The following GATA2 variants were observed in gnomAD, a reference collection of about 807,000 sequenced individuals.
GATA2 encodes the protein endothelial transcription factor GATA-2.
In GATA2, 6 loss-of-function variants were observed where a neutral mutation model predicts 35.7. That is an observed-to-expected ratio of 0.17 (90% CI 0.09 to 0.33). The LOEUF is 0.33. Among genes scored for constraint, GATA2 ranks in the 10% least tolerant of loss-of-function variants. GATA2 has a pLI of 1.00. For missense variants in GATA2, 541 were observed against 656.6 expected (o/e 0.82, Z 1.92); for synonymous variants, 313 against 274.9 (o/e 1.14, Z -1.37).
chr3:128,486,508 A>T, intron 2 of GATA2, 140 bp from the exon 3 acceptor site: 1 of 1,060,168 alleles, frequency 9.4e-7, no homozygotes, highest in Non-Finnish European at 1.4e-6. Flanking sequence ...GAAACATAAT[A>T]CCCCACCGGT....
In GATA2 at chr3:128,486,169, C is replaced by A; in HGVS notation, c.429G>T (p.Gly143=). ...GPGGPLSVYP[G]AGGGSGGGSG... ...TGCCTCCCCCGCTCCCACCCCCAGC[C>A]CCTGGGTACACAGAGAGTGGGCCTC... Residue 143 remains glycine, a synonymous_variant, in exon 3 of 6, where the codon GGG becomes GGT. Transcript: ENST00000341105. 6.4e-7 allele frequency: 1 copy of A among 1,568,682 alleles called. No individual in the cohort carries two copies. Among genetic ancestry groups the A allele is most frequent in the Non-Finnish European group, 8.6e-7 (1 of 1,157,110 alleles).
At chr3:128,483,661 C>T (rs1260984518) in intron 4 of GATA2, among the ~76,000 whole-genome samples, 199 bp downstream of exon 4, 2 of 152,154 alleles carry the variant, frequency 1.3e-5, no homozygotes, top group Non-Finnish European at 2.9e-5. Context: ...GGTGGGCTCC[C>T]TATACCCGAG....
chr3:128,483,229 A>G (rs977849738), intron 4 of GATA2, among the ~76,000 whole-genome samples: 1 of 152,264 alleles, frequency 6.6e-6, no homozygotes, highest in African/African-American at 2.4e-5. Flanking sequence ...TAGAAATTTC[A>G]AAACAGCCCA....
chr3:128,481,994 A>AC, intron 4 of GATA2, 50 bp from the exon 5 acceptor site: 6 of 1,601,282 alleles, frequency 3.7e-6, no homozygotes, highest in Non-Finnish European at 5.1e-6. Flanking sequence ...GCCCACCTCG[A>AC]CCCCCCTCCC....
chr3:128,482,990 G>A (rs1248997933), intron 4 of GATA2, among the ~76,000 whole-genome samples: 3 of 152,204 alleles, frequency 2.0e-5, no homozygotes, highest in East Asian at 1.9e-4. Context: ...GACTGCAGCC[G>A]CGGGGGCAGG....
intron 1 of GATA2, 129 bp from the exon 2 acceptor site, chr3:128,487,205 G>A: frequency 1.6e-6 from 1 of 607,244 alleles, no homozygotes; most frequent in Admixed American, 3.1e-5. Flanking sequence ...GTCCCGGGTG[G>A]GAGGAAAGCC....
chr3:128,491,566 G>C (rs1355282328), intron 1 of GATA2, among the ~76,000 whole-genome samples: 1 of 152,140 alleles, frequency 6.6e-6, no homozygotes, highest in African/African-American at 2.4e-5. Flanking sequence ...GGGTTCCCAA[G>C]GGGGGGACTA....
chr3:128,486,762 C>T (rs376441137), intron 2 of GATA2, 41 bp downstream of exon 2: 17 of 1,547,106 alleles, frequency 1.1e-5, no homozygotes, highest in Admixed American at 5.8e-5. Context: ...TCGCCTGGCG[C>T]GCGGCGCCTG....
intron 2 of GATA2, 107 bp downstream of exon 2, chr3:128,486,696 C>A: frequency 1.7e-6 from 2 of 1,174,568 alleles, no homozygotes; most frequent in Non-Finnish European, 1.2e-6. Flanking sequence ...TTCAGCAGCT[C>A]GATTCCTGCG....
Position 128,486,993 on chromosome 3 carries a change from G to A in GATA2, c.39C>T (p.His13=). Residue 13 remains histidine (H), a synonymous_variant, in exon 2 of 6, where the codon CAC becomes CAT. Transcript: ENST00000341105. ...GGTGCTGCGCATTCAGCACGGCCGG[G>A]TGCGCCATCCAGCGCGGCTGCTCGG... ...VAPEQPRWMA[H]PAVLNAQHPD... The A allele has an allele frequency of 6.2e-7, 1 of 1,606,436 alleles. No homozygotes were observed. The highest frequency in any genetic ancestry group is 1.1e-5 in the South Asian group (1 of 90,028).
In GATA2 at chr3:128,479,518, G is replaced by T; in HGVS notation, c.*1501C>A. The T allele has an allele frequency of 4.3e-6, 1 of 233,288 alleles. No individual in the cohort carries two copies. The highest frequency in any genetic ancestry group is 8.5e-6 in the Non-Finnish European group (1 of 117,810). 14.5% of individuals were successfully genotyped at this position (233,288 alleles called of 1,614,324 possible). A position where few individuals can be genotyped will look rare whatever the true frequency, so the allele number is the denominator to read the frequency against. On this transcript the variant is annotated 3_prime_UTR_variant, in exon 6 of 6. Transcript: ENST00000341105. ...TTTTTACAGACAATATATAAATGTT[G>T]TACATAATTAACAATAACTTAGTTC...
chr3:128,484,061 G>A (rs1309567457), intron 3 of GATA2, 56 bp from the exon 4 acceptor site: 2 of 1,593,584 alleles, frequency 1.3e-6, no homozygotes, highest in East Asian at 4.5e-5. Flanking sequence ...GTTCTCGGGA[G>A]GGAGTCCAGG....
In GATA2 at chr3:128,486,348, T is replaced by C; in HGVS notation, c.250A>G (p.Met84Val). Reference protein sequence around the residue: ...PAHARLTGGQMCRPHLLHSPG... With the variant: ...PAHARLTGGQVCRPHLLHSPG... ...CTGTGCAACAAGTGTGGGCGGCACA[T>C]CTGGCCTCCGGTCAGGCGGGCTGCG... Residue 84 changes from methionine (M) to valine (V), a missense_variant, in exon 3 of 6, where the codon ATG becomes GTG. Physicochemically the swap from Met to Val is conservative, Grantham distance 21 (BLOSUM62 1). This residue lies in a region of GATA2 where 389 missense variants were observed against 396.9 expected (regional missense o/e 0.98). Transcript: ENST00000341105. The C allele has an allele frequency of 6.2e-7, 1 of 1,602,318 alleles. No individual in the cohort carries two copies. The highest frequency in any genetic ancestry group is 8.5e-7 in the Non-Finnish European group (1 of 1,177,834).
rs1363526333 is a variant in GATA2 at position 128,488,161 on chromosome 3, C to T, written c.-45-1085G>A. Among the ~76,000 whole-genome samples the T allele has an allele frequency of 3.3e-5, 5 of 152,120 alleles. No individual in the cohort carries two copies. Among genetic ancestry groups the T allele is most frequent in the Non-Finnish European group, 7.4e-5 (5 of 68,006 alleles). On this transcript the variant is annotated intron_variant, in intron 1 of 5. Transcript: ENST00000341105. This position sits in a 1 kb window ranked among gnomAD's most constrained non-coding sequence, Gnocchi z 5.8. ...AAGGGACCCTCACCCCAAGGCCCGA[C>T]CCCTGCAGCCCCTCTTGCGAACACT...
In GATA2 at chr3:128,489,000, GGGCCCGA is replaced by G. The variant is rs2068741418; in HGVS notation, c.-45-1931_-45-1925del. Reference sequence around the variant, plus strand: ...GCGTCCTCCAGCCCTCTTCCCTGTTGGGCCCGAGGCTCCCGGGGTAGATGTCCAGAGG... The same window carrying G: ...GCGTCCTCCAGCCCTCTTCCCTGTTGGGCTCCCGGGGTAGATGTCCAGAGG... On this transcript the variant is annotated intron_variant, in intron 1 of 5. Coordinates refer to ENST00000341105, the MANE Select transcript of GATA2 (RefSeq NM_032638.5). This position sits in a 1 kb window ranked among gnomAD's most constrained non-coding sequence, Gnocchi z 5.8. Among the ~76,000 whole-genome samples, 1 of 152,074 alleles carries G rather than the reference GGGCCCGA, an allele frequency of 6.6e-6. No individual in the cohort carries two copies. The highest frequency in any genetic ancestry group is 1.5e-5 in the Non-Finnish European group (1 of 68,004).
chr3:128,486,377 A>G lies in GATA2; in HGVS notation c.230-9T>C. ...GCCTCCGGTCAGGCGGGCTGCGGGCAAAGAGAGAGAGGATCAGGGTGGGCA... is the reference window on the plus strand; with the variant it reads ...GCCTCCGGTCAGGCGGGCTGCGGGCGAAGAGAGAGAGGATCAGGGTGGGCA... On this transcript the variant is annotated splice_polypyrimidine_tract_variant and intron_variant, in intron 2 of 5. Coordinates refer to ENST00000341105, the MANE Select transcript of GATA2 (RefSeq NM_032638.5). 1 of 1,595,454 alleles carries G rather than the reference A, an allele frequency of 6.3e-7. No individual in the cohort carries two copies. Among genetic ancestry groups the G allele is most frequent in the Non-Finnish European group, 8.5e-7 (1 of 1,176,354 alleles).
intron 2 of GATA2, 45 bp from the exon 3 acceptor site, chr3:128,486,413 G>C: frequency 6.3e-7 from 1 of 1,576,438 alleles, no homozygotes; most frequent in Non-Finnish European, 8.5e-7. Flanking sequence ...GAAAGATCAG[G>C]GTAGGCAGAG....
Position 128,485,819 on chromosome 3 carries a change from T to C in GATA2, c.779A>G (p.Tyr260Cys), listed in dbSNP as rs1576748453. Residue 260 changes from tyrosine (Y) to cysteine (C), a missense_variant, in exon 3 of 6, where the codon TAC becomes TGC. Tyr to Cys is a radical substitution (Grantham distance 194). Coordinates refer to ENST00000341105, the MANE Select transcript of GATA2 (RefSeq NM_032638.5). The stretch of plus-strand genomic sequence containing the variant: ...TCCGGGGTGGAAGAGTCCGCTGCTG[T>C]AGTCGTGGGCAGCCGCCGGCACATA... ...PSYVPAAAHD[Y>C]SSGLFHPGGF... 2 of 1,613,818 alleles carry C rather than the reference T, an allele frequency of 1.2e-6. No homozygotes were observed. The highest frequency in any genetic ancestry group is 2.2e-5 in the East Asian group (1 of 44,868).
At position 128,480,618 on chromosome 3, in the gene GATA2, C is replaced by T. The variant is rs2068613438; in HGVS notation, c.*401G>A. 1 of 275,666 alleles carries T rather than the reference C, an allele frequency of 3.6e-6. No individual in the cohort carries two copies. The highest frequency in any genetic ancestry group is 6.8e-6 in the Non-Finnish European group (1 of 146,284). The allele number at this position is 275,666 out of a possible 1,614,324, so 17.1% of individuals were successfully genotyped here. A position where few individuals can be genotyped will look rare whatever the true frequency, so the allele number is the denominator to read the frequency against. ...TGGACCCGCCAATCCCGAGGAAGAA[C>T]CGGAGGACTTGGGACAGCTCAGACC... On this transcript the variant is annotated 3_prime_UTR_variant, in exon 6 of 6. Coordinates refer to ENST00000341105, the MANE Select transcript of GATA2 (RefSeq NM_032638.5).
Sources: gnomAD v4.1 joint callset for allele counts (sites outside exome capture counted in the v4.1 genomes callset) on GRCh38, gnomAD v4.1.1 for gene constraint, gnomAD v4.1.1 regional missense constraint, Gnocchi (gnomAD v3.1) non-coding constraint, MANE v1.5 for transcripts, NCBI Gene and HGNC (gene_info 2026-07-23, HGNC 2026-07-21) for gene names.